The following SYT8 variants were observed in gnomAD, a reference collection of about 807,000 sequenced individuals.
SYT8 encodes the protein synaptotagmin-8.
Under a neutral mutation model 34.9 loss-of-function variants are expected in SYT8, and 50 were observed. The ratio of observed to expected loss-of-function variants is 1.43; its 90% CI spans 1.14 to 1.81. The LOEUF is 1.81. SYT8 is among the 40% of genes most tolerant of loss of function. The pLI is 0.00. For missense variants in SYT8, 595 were observed against 529.0 expected (o/e 1.12, Z -1.22); for synonymous variants, 255 against 234.2 (o/e 1.09, Z -0.81).
At chr11:1,836,388 C>T (rs1846932610) in intron 4 of SYT8, 37 bp from the exon 5 acceptor site, 3 of 1,512,270 alleles carry the variant, frequency 2.0e-6, no homozygotes, top group South Asian at 2.6e-5. Context: ...TGGGCCTGAG[C>T]TAGGGCAGCA....
At chr11:1,834,284 C>T, upstream of SYT8, 1 of 535,416 alleles carries the variant, frequency 1.9e-6, no homozygotes. This position sits in a 1 kb window ranked among gnomAD's most constrained non-coding sequence, Gnocchi z 4.5. Flanking sequence ...CCCGCCCCAC[C>T]TTCCTTCCCA....
chr11:1,837,281 G>A lies in SYT8; in HGVS notation c.1014G>A (p.Ser338=), dbSNP rs202178181. The A allele has an allele frequency of 4.7e-5, 75 of 1,586,234 alleles. No homozygotes were observed. Among genetic ancestry groups the A allele is most frequent in the African/African-American group, 3.8e-4 (28 of 74,638 alleles). ...VGKVHLGARA[S]GQPLQHWADM... ...AGGTGCACCTGGGTGCCCGGGCCTCGGGGCAGCCCCTGCAGCACTGGGCAG... is the reference window on the plus strand; with the variant it reads ...AGGTGCACCTGGGTGCCCGGGCCTCAGGGCAGCCCCTGCAGCACTGGGCAG... Residue 338 remains serine (S), a synonymous_variant, in exon 8 of 8, where the codon TCG becomes TCA. Transcript: ENST00000341958.
At position 1,837,493 on chromosome 11, in the gene SYT8, A is replaced by G. The variant is rs1847021531; in HGVS notation, c.*62A>G. 6.4e-7 allele frequency: 1 copy of G among 1,574,134 alleles called. No homozygotes were observed. The highest frequency in any genetic ancestry group is 1.1e-5 in the South Asian group (1 of 88,112). On this transcript the variant is annotated 3_prime_UTR_variant, in exon 8 of 8. Transcript: ENST00000341958. ...GCACTTGCCCAGGCCGCCCTGCAGG[A>G]CCACTGCAATAAACGCCTTCTCCTG...
rs751416021 is a variant in SYT8 at position 1,835,362 on chromosome 11, GTGCTGCCTGCTGCTGC to G, written c.165_180del (p.Cys57AlafsTer63). 1.2e-6 allele frequency: 2 copies of G among 1,606,834 alleles called. No individual in the cohort carries two copies. Among genetic ancestry groups the G allele is most frequent in the Non-Finnish European group, 1.7e-6 (2 of 1,178,442 alleles). On this transcript the variant is annotated frameshift_variant, in exon 2 of 8. Coordinates refer to ENST00000341958, the MANE Select transcript of SYT8 (RefSeq NM_001394072.1). LOFTEE classifies it high-confidence loss of function. The stretch of plus-strand genomic sequence containing the variant: ...GTCCTCCTCGTCTCCTGCCTCCTCT[GTGCTGCCTGCTGCTGC>G]TGCCGCCGCCACAGGAAGAAGCCCA...
rs2133021480 is a variant in SYT8 at position 1,836,294 on chromosome 11, G to A, written c.516+10G>A. ...GACCTGCTGCTTCCACGTGAGTCAG[G>A]GATGGTCGGCTGGGTGGGCCTGGAC... On this transcript the variant is annotated intron_variant, in intron 4 of 7. Transcript: ENST00000341958. 6.5e-7 allele frequency: 1 copy of A among 1,536,926 alleles called. No homozygotes were observed. Among genetic ancestry groups the A allele is most frequent in the Non-Finnish European group, 8.7e-7 (1 of 1,143,238 alleles).
At position 1,835,353 on chromosome 11, in the gene SYT8, G is replaced by A; in HGVS notation, c.152G>A (p.Cys51Tyr). ...ALAAGVLLVSCLLCAACCCCR... is the reference protein window; with the variant it reads ...ALAAGVLLVSYLLCAACCCCR... Reference sequence around the variant, plus strand: ...GCCGCGGGCGTCCTCCTCGTCTCCTGCCTCCTCTGTGCTGCCTGCTGCTGC... The same window carrying A: ...GCCGCGGGCGTCCTCCTCGTCTCCTACCTCCTCTGTGCTGCCTGCTGCTGC... Residue 51 changes from cysteine to tyrosine, a missense_variant, in exon 2 of 8, where the codon TGC (cysteine) becomes TAC (tyrosine). By Grantham distance (194) the Cys-to-Tyr change is radical. Transcript: ENST00000341958. 1 of 1,605,868 alleles carries A rather than the reference G, an allele frequency of 6.2e-7. No individual in the cohort carries two copies.
Position 1,837,345 on chromosome 11 carries a change from C to T in SYT8, c.1078C>T (p.His360Tyr). 6.3e-7 allele frequency: 1 copy of T among 1,593,828 alleles called. No individual in the cohort carries two copies. The highest frequency in any genetic ancestry group is 1.1e-5 in the South Asian group (1 of 90,432). The change falls in exon 8 of 8, where the codon CAC becomes TAC. Residue 360 changes from histidine to tyrosine, a missense_variant. By Grantham distance (83) the His-to-Tyr change is moderately conservative (BLOSUM62 2). Transcript: ENST00000341958. ...AHARRPIAQR[H>Y]PLRPAREVDR... is the part of the protein sequence containing the mutation. Reference sequence around the variant, plus strand: ...CGCCCGGCGGCCCATTGCCCAGCGGCACCCCCTGCGGCCAGCCAGGGAGGT... The same window carrying T: ...CGCCCGGCGGCCCATTGCCCAGCGGTACCCCCTGCGGCCAGCCAGGGAGGT...
chr11:1,835,644 T>C lies in SYT8; in HGVS notation c.258+185T>C, dbSNP rs1846872288. On this transcript the variant is annotated intron_variant, in intron 2 of 7. Transcript: ENST00000341958. Reference sequence around the variant, plus strand: ...GAGAAGGAGGCCATGCAACAGGGGCTGCCCCATGGGCCCGAGGGAGCCACA... The same window carrying C: ...GAGAAGGAGGCCATGCAACAGGGGCCGCCCCATGGGCCCGAGGGAGCCACA... 8.9e-6 allele frequency: 7 copies of C among 789,074 alleles called. No homozygotes were observed. The Admixed American group carries it at 1.7e-4, about 20-fold the overall frequency. The allele number at this position is 789,074 out of a possible 1,614,324, so 48.9% of individuals were successfully genotyped here.
Position 1,835,872 on chromosome 11 carries a change from C to T in SYT8, c.259-14C>T. ...ATGTCAGCACCACCTGCCCCTTGTC[C>T]CAACTCACTCCAGGTGCAACCTGAT... is the stretch of plus-strand genomic sequence containing the variant. On this transcript the variant is annotated splice_polypyrimidine_tract_variant and intron_variant, in intron 2 of 7. Transcript: ENST00000341958. 1 of 1,609,076 alleles carries T rather than the reference C, an allele frequency of 6.2e-7. No homozygotes were observed. The highest frequency in any genetic ancestry group is 1.1e-5 in the South Asian group (1 of 90,888).
upstream of SYT8, among the ~76,000 whole-genome samples, chr11:1,832,292 G>A (rs1248761418): frequency 1.3e-5 from 2 of 152,190 alleles, no homozygotes; most frequent in Non-Finnish European, 1.5e-5. Context: ...CAGAGCAGCC[G>A]CCTTCGTGGG....
intron 2 of SYT8, 86 bp downstream of exon 2, chr11:1,835,545 C>T (rs772797735): frequency 2.0e-6 from 3 of 1,505,600 alleles, no homozygotes; most frequent in South Asian, 1.2e-5. Context: ...GAGTTCAGCC[C>T]CAGGGATGGT....
upstream of SYT8, chr11:1,834,693 G>C (rs1156291219): frequency 1.4e-6 from 2 of 1,395,964 alleles, no homozygotes; most frequent in African/African-American, 1.4e-5. This position sits in a 1 kb window ranked among gnomAD's most constrained non-coding sequence, Gnocchi z 4.5. Context: ...GGGACCCCCA[G>C]GCAGGGCCCA....
rs1846859260 is a variant in SYT8 at position 1,835,450 on chromosome 11, C to A, written c.249C>A (p.Thr83=). The change falls in exon 2 of 8, where the codon ACC becomes ACA. Residue 83 remains threonine (T), a synonymous_variant. Transcript: ENST00000341958. The stretch of plus-strand genomic sequence containing the variant: ...TGGGCAGTGCCCGCGGCACCACCAC[C>A]ACCCACCTGGTGAGGAGCGGCTCCT... ...VGLGSARGTT[T]THLVQPDVDG... is the part of the protein sequence containing the mutation. 1.2e-6 allele frequency: 2 copies of A among 1,609,420 alleles called. No individual in the cohort carries two copies. The highest frequency in any genetic ancestry group is 1.7e-6 in the Non-Finnish European group (2 of 1,179,616).
chr11:1,837,371 G>A lies in SYT8; in HGVS notation c.1104G>A (p.Val368=), dbSNP rs1451459964. 1.3e-6 allele frequency: 2 copies of A among 1,598,950 alleles called. No homozygotes were observed. The highest frequency in any genetic ancestry group is 1.7e-6 in the Non-Finnish European group (2 of 1,176,806). ...ACCCCCTGCGGCCAGCCAGGGAGGTGGACCGCATGCTGGCCCTGCAGCCCC... is the reference window on the plus strand; with the variant it reads ...ACCCCCTGCGGCCAGCCAGGGAGGTAGACCGCATGCTGGCCCTGCAGCCCC... ...QRHPLRPARE[V]DRMLALQPRL... The change falls in exon 8 of 8, where the codon GTG becomes GTA. Residue 368 remains valine (V), a synonymous_variant. Transcript: ENST00000341958.
chr11:1,836,862 G>T lies in SYT8; in HGVS notation c.790+1G>T, dbSNP rs749434208. ...CGAGGCCTGCGTCCAGGACTTGCAG[G>T]TGAGGGTCACACCTGCCCACGTTGT... On this transcript the variant is annotated splice_donor_variant, in intron 6 of 7. Coordinates refer to ENST00000341958, the MANE Select transcript of SYT8 (RefSeq NM_001394072.1). LOFTEE classifies it high-confidence loss of function. 1 of 1,612,254 alleles carries T rather than the reference G, an allele frequency of 6.2e-7. No homozygotes were observed. Among genetic ancestry groups the T allele is most frequent in the Non-Finnish European group, 8.5e-7 (1 of 1,179,974 alleles).
In SYT8 at chr11:1,837,265, T is replaced by G; in HGVS notation, c.998T>G (p.Leu333Arg). 6.3e-7 allele frequency: 1 copy of G among 1,585,628 alleles called. No individual in the cohort carries two copies. The change falls in exon 8 of 8, where the codon CTG (leucine) becomes CGG (arginine). Residue 333 changes from leucine to arginine, a missense_variant. Leu to Arg is a moderately radical substitution (Grantham distance 102). Transcript: ENST00000341958. The part of the protein sequence containing the change: ...LRTEPVGKVH[L>R]GARASGQPLQ... ...ACTGAGCCCGTAGGCAAGGTGCACC[T>G]GGGTGCCCGGGCCTCGGGGCAGCCC... is the stretch of plus-strand genomic sequence containing the variant.
chr11:1,837,248 C>G lies in SYT8; in HGVS notation c.981C>G (p.Pro327=), dbSNP rs754583256. Residue 327 remains proline (P), a synonymous_variant, in exon 8 of 8, where the codon CCC becomes CCG. Coordinates refer to ENST00000341958, the MANE Select transcript of SYT8 (RefSeq NM_001394072.1). ...GCAGCCTGCCGCTCCGAACTGAGCCCGTAGGCAAGGTGCACCTGGGTGCCC... is the reference window on the plus strand; with the variant it reads ...GCAGCCTGCCGCTCCGAACTGAGCCGGTAGGCAAGGTGCACCTGGGTGCCC... ...WDRSLPLRTE[P]VGKVHLGARA... is the part of the protein sequence containing the mutation. 5.1e-6 allele frequency: 8 copies of G among 1,582,042 alleles called. No homozygotes were observed. Among genetic ancestry groups the G allele is most frequent in the Admixed American group, 1.7e-5 (1 of 57,996 alleles).
chr11:1,834,265 G>A, upstream of SYT8: 1 of 506,486 alleles, frequency 2.0e-6, no homozygotes, highest in Non-Finnish European at 3.5e-6. The surrounding 1 kb of genome is among the most constrained non-coding windows in gnomAD (Gnocchi z 4.5). Flanking sequence ...ACAGGGGCCA[G>A]CAGCTGCGCC....
chr11:1,834,713 G>A (rs981357209), upstream of SYT8: 7 of 1,170,076 alleles, frequency 6.0e-6, no homozygotes, highest in African/African-American at 9.3e-5. The surrounding 1 kb of genome is among the most constrained non-coding windows in gnomAD (Gnocchi z 4.5). Context: ...AGGGTCCAGG[G>A]CCCAGGAGAG....
Sources: gnomAD v4.1 joint callset for allele counts (sites outside exome capture counted in the v4.1 genomes callset) on GRCh38, gnomAD v4.1.1 for gene constraint, Gnocchi (gnomAD v3.1) non-coding constraint, MANE v1.5 for transcripts, NCBI Gene and HGNC (gene_info 2026-07-23, HGNC 2026-07-21) for gene names.